The following WIF1 variants were observed in gnomAD, a reference collection of about 807,000 sequenced individuals.
WIF1 encodes Wnt inhibitory factor 1.
Under a neutral mutation model 53.5 loss-of-function variants are expected in WIF1, and 35 were observed. That is an observed-to-expected ratio of 0.65 (90% CI 0.50 to 0.87). The LOEUF (loss-of-function observed/expected upper bound fraction) is 0.87, where lower values mean the gene tolerates loss of function less well. Among genes scored for constraint, WIF1 ranks in the 40% least tolerant of loss-of-function variants. The pLI, the probability that WIF1 is intolerant of heterozygous loss-of-function variation, is 0.00. For synonymous variants in WIF1, 171 were observed against 170.4 expected (o/e 1.00, Z -0.03); for missense variants, 467 against 476.8 (o/e 0.98, Z 0.19).
chr12:65,098,839 T>G (rs1883241538), intron 2 of WIF1, among the ~76,000 whole-genome samples: 1 of 152,196 alleles, frequency 6.6e-6, no homozygotes, highest in African/African-American at 2.4e-5. Flanking sequence ...AGAAAACATG[T>G]GCCCTTTAGC....
intron 2 of WIF1, among the ~76,000 whole-genome samples, chr12:65,110,989 C>CAAAT (rs1883421928): frequency 6.6e-6 from 1 of 152,012 alleles, no homozygotes; most frequent in African/African-American, 2.4e-5. Flanking sequence ...GGGAGCAAGC[C>CAAAT]CTGCAGAAAT....
chr12:65,055,154 A>G lies in WIF1; in HGVS notation c.982T>C (p.Cys328Arg). 1 of 1,614,140 alleles carries G rather than the reference A, an allele frequency of 6.2e-7. No homozygotes were observed. The highest frequency in any genetic ancestry group is 8.5e-7 in the Non-Finnish European group (1 of 1,180,006). Residue 328 changes from cysteine to arginine, a missense_variant, in exon 9 of 10, where the codon TGT (cysteine) becomes CGT (arginine). Coordinates refer to ENST00000286574, the MANE Select transcript of WIF1 (RefSeq NM_007191.5). ...TGTCTTCCATGCCAACCTTCTTGAC[A>G]TTGGCATTTGTTGGGTTCATGGCAG... ...GTCHEPNKCQ[C>R]QEGWHGRHCN...
chr12:65,077,275 T>A (rs1035066853), intron 3 of WIF1, among the ~76,000 whole-genome samples: 43 of 152,332 alleles, frequency 2.8e-4, no homozygotes, highest in African/African-American at 1.0e-3. Context: ...ACTAGAAACG[T>A]TGAACCCCTT....
intron 2 of WIF1, among the ~76,000 whole-genome samples, chr12:65,108,838 T>C (rs1222548772): frequency 1.3e-5 from 2 of 152,230 alleles, no homozygotes; most frequent in African/African-American, 4.8e-5. Context: ...CTTACATTTA[T>C]ATTCTGAAAT....
intron 3 of WIF1, among the ~76,000 whole-genome samples, chr12:65,075,291 A>C (rs184158450): frequency 6.6e-6 from 1 of 152,352 alleles, no homozygotes; most frequent in Non-Finnish European, 1.5e-5. Flanking sequence ...AGATAACCGT[A>C]ATCTGAAAAT....
intron 3 of WIF1, among the ~76,000 whole-genome samples, chr12:65,077,040 C>T (rs1187121622): frequency 6.6e-6 from 1 of 152,100 alleles, no homozygotes; most frequent in East Asian, 1.9e-4. Flanking sequence ...ATCCCGGGCT[C>T]TAGTCTCAAC....
chr12:65,092,508 G>GTA (rs144164448), intron 2 of WIF1, among the ~76,000 whole-genome samples: 120,454 of 146,590 alleles, frequency 0.82, 50,279 homozygotes, highest in Non-Finnish European at 0.91. Flanking sequence ...ATATATGTGT[G>GTA]TATATATATA....
At chr12:65,078,932 A>T (rs1882904620) in intron 2 of WIF1, among the ~76,000 whole-genome samples, 1 of 152,174 alleles carries the variant, frequency 6.6e-6, no homozygotes, top group Non-Finnish European at 1.5e-5. Flanking sequence ...TGGGAGGCTG[A>T]GGTGGGCGGA....
At chr12:65,118,221 A>T (rs1883541494) in intron 2 of WIF1, among the ~76,000 whole-genome samples, 1 of 152,194 alleles carries the variant, frequency 6.6e-6, no homozygotes, top group Admixed American at 6.5e-5. Flanking sequence ...ATGAAATGAA[A>T]TTTTCATTTT....
intron 2 of WIF1, among the ~76,000 whole-genome samples, chr12:65,081,734 T>C (rs74099735): frequency 0.03 from 4,618 of 152,212 alleles, 239 homozygotes; most frequent in African/African-American, 0.11. Context: ...TGATAACTAA[T>C]GGTGCATGAA....
chr12:65,107,585 A>T (rs1301801375), intron 2 of WIF1, among the ~76,000 whole-genome samples: 5 of 152,208 alleles, frequency 3.3e-5, no homozygotes, highest in Admixed American at 2.6e-4. Flanking sequence ...ATGCCATTGC[A>T]CCCCAGCTTG....
At chr12:65,120,344 C>T in intron 2 of WIF1, 73 bp downstream of exon 2, 1 of 1,457,870 alleles carries the variant, frequency 6.9e-7, no homozygotes, top group Non-Finnish European at 9.2e-7. Flanking sequence ...TACCAGGCTA[C>T]ACACTATACA....
intron 2 of WIF1, among the ~76,000 whole-genome samples, chr12:65,094,051 T>C (rs118145719): frequency 0.013 from 1,913 of 152,296 alleles, 14 homozygotes; most frequent in Non-Finnish European, 0.02. Flanking sequence ...TAGCTAACAG[T>C]CCTGCATAAT....
At chr12:65,086,453 G>A (rs1043798760) in intron 2 of WIF1, among the ~76,000 whole-genome samples, 1 of 152,166 alleles carries the variant, frequency 6.6e-6, no homozygotes, top group African/African-American at 2.4e-5. Context: ...GAAAGAAAAT[G>A]TCATTACAAG....
rs1426628276 is a variant in WIF1, at chr12:65,050,988, G to A, written c.*361C>T. ...TTAACTGCACCATCCAAATTCTTGT[G>A]ACTTACGCATTTTTGCCCAATTTAA... On this transcript the variant is annotated 3_prime_UTR_variant, in exon 10 of 10. Coordinates refer to ENST00000286574, the MANE Select transcript of WIF1 (RefSeq NM_007191.5). 8.4e-6 allele frequency: 2 copies of A among 239,302 alleles called. No individual in the cohort carries two copies. The highest frequency in any genetic ancestry group is 8.2e-6 in the Non-Finnish European group (1 of 122,320). 14.8% of individuals were successfully genotyped at this position (239,302 alleles called of 1,614,324 possible).
At chr12:65,096,335 G>T (rs1267412479) in intron 2 of WIF1, among the ~76,000 whole-genome samples, 1 of 152,154 alleles carries the variant, frequency 6.6e-6, no homozygotes, top group Non-Finnish European at 1.5e-5. Flanking sequence ...ATGCCAGTTA[G>T]AATGGCAGTC....
chr12:65,100,298 C>A (rs1161868239), intron 2 of WIF1, among the ~76,000 whole-genome samples: 1 of 152,026 alleles, frequency 6.6e-6, no homozygotes, highest in Non-Finnish European at 1.5e-5. Context: ...TCTTAACAGC[C>A]CTGATGAAAA....
At chr12:65,055,504 G>A (rs943271838) in intron 8 of WIF1, among the ~76,000 whole-genome samples, 2 of 152,232 alleles carry the variant, frequency 1.3e-5, no homozygotes, top group Non-Finnish European at 2.9e-5. Flanking sequence ...GGGCATGATG[G>A]CTCATGCCTG....
chr12:65,051,117 T>C lies in WIF1; in HGVS notation c.*232A>G, dbSNP rs1046831466. 1.5e-5 allele frequency: 6 copies of C among 398,594 alleles called. No homozygotes were observed. Among genetic ancestry groups the C allele is most frequent in the African/African-American group, 6.2e-5 (3 of 48,594 alleles). The allele number at this position is 398,594 out of a possible 1,614,324, so 24.7% of individuals were successfully genotyped here. A position where few individuals can be genotyped will look rare whatever the true frequency, so the allele number is the denominator to read the frequency against. On this transcript the variant is annotated 3_prime_UTR_variant, in exon 10 of 10. Transcript: ENST00000286574. ...ATTTTAACCTGATCAATTGACATAA[T>C]ATAAAATCTGTCCCAAAGCACTGAA...
Sources: allele counts gnomAD v4.1 joint callset (sites outside exome capture counted in the v4.1 genomes callset), GRCh38; gene constraint gnomAD v4.1.1; transcripts MANE v1.5; gene names NCBI Gene and HGNC (gene_info 2026-07-23, HGNC 2026-07-21).